The following PCTP variants were observed in gnomAD, a reference collection of about 807,000 sequenced individuals.
PCTP encodes phosphatidylcholine transfer protein.
In PCTP, 27 loss-of-function variants were observed where a neutral mutation model predicts 31.0. The observed-to-expected ratio is 0.87, with a 90% CI of 0.64 to 1.20. The LOEUF (loss-of-function observed/expected upper bound fraction) is 1.20. Among genes scored for constraint, PCTP ranks in the 50% most tolerant of loss-of-function variants. The pLI is 0.00. For missense variants in PCTP, 287 were observed against 268.2 expected (o/e 1.07, Z -0.49); for synonymous variants, 108 against 101.2 (o/e 1.07, Z -0.40).
chr17:55,829,111 T>G (rs1226897345), intron 5 of PCTP, among the ~76,000 whole-genome samples: 1 of 151,756 alleles, frequency 6.6e-6, no homozygotes, highest in African/African-American at 2.4e-5. Flanking sequence ...ATGAGATTGA[T>G]AGTTAAGCCA....
At chr17:55,845,241 C>A (rs1416831281), downstream of PCTP, among the ~76,000 whole-genome samples, 1 of 152,088 alleles carries the variant, frequency 6.6e-6, no homozygotes, top group East Asian at 1.9e-4. Flanking sequence ...TCAGCTCAGC[C>A]AATAGGTGTT....
rs564717700 is a variant in PCTP, at chr17:55,806,331, G to A, written c.318-16430G>A. 9.9e-4 allele frequency among the ~76,000 whole-genome samples: 150 copies of A among 152,202 alleles called. 1 individual carries two copies. The highest frequency in any genetic ancestry group is 3.5e-3 in the African/African-American group (145 of 41,548). On this transcript the variant is annotated intron_variant, in intron 3 of 3. Transcript: ENST00000572536. The stretch of plus-strand genomic sequence containing the variant: ...TTACTGGCTTGCAAGAAACTGTTGT[G>A]TGTATATCTTCCCAAATCCAAGTTC...
intron 3 of PCTP, among the ~76,000 whole-genome samples, chr17:55,800,286 T>C (rs539421486): frequency 6.6e-6 from 1 of 152,076 alleles, no homozygotes; most frequent in African/African-American, 2.4e-5. Flanking sequence ...TCATTCTTTT[T>C]TCTGTAATCT....
chr17:55,777,297 T>C lies in PCTP; in HGVS notation c.*1197T>C. The C allele has an allele frequency of 1.0e-6, 1 of 984,560 alleles. No homozygotes were observed. Among genetic ancestry groups the C allele is most frequent in the Non-Finnish European group, 1.2e-6 (1 of 828,768 alleles). The allele number at this position is 984,560 out of a possible 1,614,324, so 61.0% of individuals were successfully genotyped here. On this transcript the variant is annotated 3_prime_UTR_variant, in exon 6 of 6. Transcript: ENST00000268896. ...AGCCACAGAATGGGATTTATTAATG[T>C]GGGATACCTCAGACTGTTTGTTTTC... is the stretch of plus-strand genomic sequence containing the variant.
intron 3 of PCTP, among the ~76,000 whole-genome samples, chr17:55,818,159 T>C (rs1389646862): frequency 4.6e-5 from 7 of 152,142 alleles, no homozygotes; most frequent in African/African-American, 1.7e-4. Flanking sequence ...CACAGTTGCA[T>C]GGGGGAGGCA....
At chr17:55,772,877 T>G (rs1258476417) in intron 3 of PCTP, among the ~76,000 whole-genome samples, 1 of 152,196 alleles carries the variant, frequency 6.6e-6, no homozygotes, top group African/African-American at 2.4e-5. Context: ...TCTCTGAGCC[T>G]CACTTTTGTC....
At chr17:55,756,518 G>A (rs1448312301) in intron 1 of PCTP, among the ~76,000 whole-genome samples, 2 of 152,086 alleles carry the variant, frequency 1.3e-5, no homozygotes, top group East Asian at 1.9e-4. Flanking sequence ...GGAATCACTC[G>A]AGACAGCTTT....
At chr17:55,844,085 A>C (rs1397165569), downstream of PCTP, among the ~76,000 whole-genome samples, 1 of 152,220 alleles carries the variant, frequency 6.6e-6, no homozygotes, top group Non-Finnish European at 1.5e-5. Context: ...ATTTACTTCC[A>C]CAGTTTTTAA....
downstream of PCTP, among the ~76,000 whole-genome samples, chr17:55,781,953 T>A (rs1911579005): frequency 6.6e-6 from 1 of 152,124 alleles, no homozygotes; most frequent in South Asian, 2.1e-4. Flanking sequence ...ATGTGTGGAA[T>A]TATGGAATTG....
At chr17:55,770,701 C>T (rs1350497150) in intron 2 of PCTP, 1 of 157,040 alleles carries the variant, frequency 6.4e-6, no homozygotes, top group African/African-American at 2.4e-5. Flanking sequence ...TTTATCATAA[C>T]CTAAGAGGTC....
chr17:55,770,165 T>C (rs1446090914), intron 2 of PCTP: 3 of 152,226 alleles, frequency 2.0e-5, no homozygotes, highest in East Asian at 3.9e-4. Context: ...CTCCAAGAGT[T>C]GGCTGCTGTT....
downstream of PCTP, among the ~76,000 whole-genome samples, chr17:55,845,220 C>T (rs1214540700): frequency 6.6e-6 from 1 of 151,964 alleles, no homozygotes; most frequent in African/African-American, 2.4e-5. Context: ...AGCAGGGTTC[C>T]CTTTTAGCCT....
intron 3 of PCTP, among the ~76,000 whole-genome samples, chr17:55,773,383 G>A (rs1911115584): frequency 6.6e-6 from 1 of 152,186 alleles, no homozygotes. Context: ...GCAAGGCTGA[G>A]TAGCTTACCT....
In PCTP at chr17:55,776,618, G is replaced by A. The variant is rs1446248903; in HGVS notation, c.*518G>A. On this transcript the variant is annotated 3_prime_UTR_variant, in exon 6 of 6. Transcript: ENST00000268896. ...TTTCAGTGCACCCAAACTGGATGAC[G>A]TGCCAATGTCCATTTGCCTTATGCT... 5.7e-6 allele frequency: 7 copies of A among 1,230,634 alleles called. No homozygotes were observed. The highest frequency in any genetic ancestry group is 3.2e-5 in the East Asian group (1 of 31,686). The allele number at this position is 1,230,634 out of a possible 1,614,324, so 76.2% of individuals were successfully genotyped here.
intron 3 of PCTP, among the ~76,000 whole-genome samples, chr17:55,790,170 A>G (rs1341530787): frequency 6.6e-6 from 1 of 152,182 alleles, no homozygotes; most frequent in African/African-American, 2.4e-5. Context: ...AATAAGAGCT[A>G]TCTGTGACAA....
At chr17:55,849,160 GA>G in the PCTP span, among the ~76,000 whole-genome samples, 1 of 151,718 alleles carries the variant, frequency 6.6e-6, no homozygotes, top group African/African-American at 2.4e-5. Context: ...AAAAGTAAAT[GA>G]ATAGGCAAAG....
chr17:55,819,222 G>T (rs1050990654), intron 3 of PCTP, among the ~76,000 whole-genome samples: 3 of 152,036 alleles, frequency 2.0e-5, no homozygotes, highest in Non-Finnish European at 4.4e-5. Context: ...AAGGCTAAAA[G>T]CTTTCCCCCT....
At chr17:55,753,250 T>G (rs1909806412) in intron 1 of PCTP, among the ~76,000 whole-genome samples, 1 of 152,214 alleles carries the variant, frequency 6.6e-6, no homozygotes, top group Admixed American at 6.5e-5. Flanking sequence ...AACTAGTTTT[T>G]GGCCTACCAG....
At chr17:55,837,374 G>A (rs1905813569) in intron 5 of PCTP, among the ~76,000 whole-genome samples, 1 of 152,288 alleles carries the variant, frequency 6.6e-6, no homozygotes, top group South Asian at 2.1e-4. Context: ...GATTGTATTC[G>A]TACGGTGTTG....
Sources: gnomAD v4.1 joint callset for allele counts (sites outside exome capture counted in the v4.1 genomes callset) on GRCh38, gnomAD v4.1.1 for gene constraint, MANE v1.5 for transcripts, NCBI Gene and HGNC (gene_info 2026-07-23, HGNC 2026-07-21) for gene names.